Variants in ARNT2 observed in about 807,000 individuals in gnomAD.
The protein encoded by ARNT2 is ARNT protein 2.
In ARNT2, 36 loss-of-function variants were observed where a neutral mutation model predicts 91.7. The ratio of observed to expected loss-of-function variants is 0.39; its 90% CI spans 0.30 to 0.52. The LOEUF (loss-of-function observed/expected upper bound fraction) is 0.52. ARNT2 is among the 20% of genes least tolerant of loss of function. The pLI is 0.72. For synonymous variants in ARNT2, 365 were observed against 347.1 expected (o/e 1.05, Z -0.57); for missense variants, 775 against 939.3 (o/e 0.83, Z 2.29).
intron 8 of ARNT2, among the ~76,000 whole-genome samples, chr15:80,546,484 C>G (rs946870303): frequency 3.9e-5 from 6 of 152,154 alleles, no homozygotes; most frequent in Admixed American, 2.0e-4. Context: ...ATGTATGTCA[C>G]TAGTGGTCTT....
intron 1 of ARNT2, among the ~76,000 whole-genome samples, chr15:80,420,201 ATGGTCCCCAGC>A (rs1288328865): frequency 7.2e-6 from 1 of 138,728 alleles, no homozygotes; most frequent in Non-Finnish European, 1.6e-5. Context: ...GACTATACAG[ATGGTCCCCAGC>A]TTACAAGGGT....
At chr15:80,537,294 C>T (rs1227048235) in intron 8 of ARNT2, among the ~76,000 whole-genome samples, 1 of 152,168 alleles carries the variant, frequency 6.6e-6, no homozygotes, top group Admixed American at 6.5e-5. Flanking sequence ...ATTATTTAAA[C>T]TCCTGAACAC....
chr15:80,512,950 A>G (rs925365923), intron 6 of ARNT2, among the ~76,000 whole-genome samples: 21 of 152,202 alleles, frequency 1.4e-4, no homozygotes, highest in South Asian at 6.2e-4. Context: ...TCAGTAAAGC[A>G]CTGGGCACAG....
rs369926989 is a variant in ARNT2, at chr15:80,474,990, T to A, written c.409-20T>A. On this transcript the variant is annotated intron_variant, in intron 4 of 18. Transcript: ENST00000303329. ...TGGGTCTGTCAGTGTATTGTGCCAA[T>A]CATAATCTTTTCTTTATAGGAACTG... is the stretch of plus-strand genomic sequence containing the variant. 114 of 1,612,834 alleles carry A rather than the reference T, an allele frequency of 7.1e-5. No individual in the cohort carries two copies. The highest frequency in any genetic ancestry group is 9.0e-5 in the Non-Finnish European group (106 of 1,179,498).
rs1893392133 is a variant in ARNT2 at position 80,597,436 on chromosome 15, A to G, written c.*3738A>G. 3 of 354,818 alleles carry G rather than the reference A, an allele frequency of 8.5e-6. No individual in the cohort carries two copies. The Admixed American group carries it at 1.1e-4, about 12-fold the overall frequency. 22.0% of individuals were successfully genotyped at this position (354,818 alleles called of 1,614,324 possible). A position where few individuals can be genotyped will look rare whatever the true frequency, so the allele number is the denominator to read the frequency against. On this transcript the variant is annotated 3_prime_UTR_variant, in exon 19 of 19. Coordinates refer to ENST00000303329, the MANE Select transcript of ARNT2 (RefSeq NM_014862.4). ...ACCTGCCGGGGTCATTCCCCACCAAACACCCCATACTAAGGAGCCATGAGC... is the reference window on the plus strand; with the variant it reads ...ACCTGCCGGGGTCATTCCCCACCAAGCACCCCATACTAAGGAGCCATGAGC...
chr15:80,582,045 A>T (rs531621968), intron 17 of ARNT2, among the ~76,000 whole-genome samples: 16 of 152,196 alleles, frequency 1.1e-4, no homozygotes, highest in Non-Finnish European at 2.4e-4. Context: ...TCTCACAGTG[A>T]GGTCACTGGG....
chr15:80,408,298 A>G (rs569167810), intron 1 of ARNT2, among the ~76,000 whole-genome samples: 1 of 152,340 alleles, frequency 6.6e-6, no homozygotes, highest in African/African-American at 2.4e-5. Context: ...TTCTAAGTCT[A>G]CTAGGGGAGG....
chr15:80,445,870 T>A lies in ARNT2; in HGVS notation c.32-5010T>A, dbSNP rs1896293368. 2.0e-5 allele frequency among the ~76,000 whole-genome samples: 3 copies of A among 151,948 alleles called. No individual in the cohort carries two copies. The South Asian group carries it at 6.2e-4, about 32-fold the overall frequency. ...GTGTTACGAGTGGGGTGCTGAGGAGTCCAGAGGGCCTTCTGCCCCCTCTGC... is the reference window on the plus strand; with the variant it reads ...GTGTTACGAGTGGGGTGCTGAGGAGACCAGAGGGCCTTCTGCCCCCTCTGC... On this transcript the variant is annotated intron_variant, in intron 1 of 18. Coordinates refer to ENST00000303329, the MANE Select transcript of ARNT2 (RefSeq NM_014862.4).
At position 80,404,574 on chromosome 15, in the gene ARNT2, C is replaced by T. The variant is rs767398217; in HGVS notation, c.31+28C>T. Reference sequence around the variant, plus strand: ...GAGTAGCGGCCTGGGCCCCGCCGCCCGCCGCAGCCCGCAGGCCTTGCCCGG... The same window carrying T: ...GAGTAGCGGCCTGGGCCCCGCCGCCTGCCGCAGCCCGCAGGCCTTGCCCGG... On this transcript the variant is annotated intron_variant, in intron 1 of 18. Transcript: ENST00000303329. The surrounding 1 kb of genome is among the most constrained non-coding windows in gnomAD (Gnocchi z 5.5). The T allele has an allele frequency of 3.0e-5, 33 of 1,084,300 alleles. No individual in the cohort carries two copies. The highest frequency in any genetic ancestry group is 4.5e-6 in the Non-Finnish European group (4 of 890,878). The allele number at this position is 1,084,300 out of a possible 1,614,324, so 67.2% of individuals were successfully genotyped here.
intron 3 of ARNT2, among the ~76,000 whole-genome samples, 178 bp downstream of exon 3, chr15:80,458,154 C>T (rs1406015899): frequency 6.6e-6 from 1 of 152,104 alleles, no homozygotes; most frequent in African/African-American, 2.4e-5. Flanking sequence ...GACCCTGCCA[C>T]ATCCCAGCAG....
At chr15:80,502,563 G>A (rs1897215688) in intron 5 of ARNT2, among the ~76,000 whole-genome samples, 1 of 152,190 alleles carries the variant, frequency 6.6e-6, no homozygotes, top group Non-Finnish European at 1.5e-5. Context: ...TGTCATGCAG[G>A]AGTCGGGTTT....
intron 1 of ARNT2, chr15:80,441,356 C>G (rs773495967): frequency 1.8e-4 from 181 of 985,314 alleles, no homozygotes; most frequent in South Asian, 6.1e-4. Flanking sequence ...GAAGAAAGAT[C>G]TTTGTTTAAT....
intron 5 of ARNT2, among the ~76,000 whole-genome samples, chr15:80,494,177 C>G (rs1897094084): frequency 6.6e-6 from 1 of 152,216 alleles, no homozygotes; most frequent in Non-Finnish European, 1.5e-5. Context: ...ATACTCATTT[C>G]CAGACCATCC....
At chr15:80,407,444 G>T (rs1286189409) in intron 1 of ARNT2, among the ~76,000 whole-genome samples, 3 of 152,168 alleles carry the variant, frequency 2.0e-5, no homozygotes, top group African/African-American at 7.2e-5. Context: ...GGGGTTTTAG[G>T]TTAGGATTCT....
chr15:80,468,896 C>T (rs755156919), intron 3 of ARNT2, among the ~76,000 whole-genome samples: 3 of 152,216 alleles, frequency 2.0e-5, no homozygotes, highest in Non-Finnish European at 4.4e-5. Flanking sequence ...TCCCCTCGGT[C>T]TGTGTGTTCA....
At chr15:80,406,321 C>T (rs1895600652) in intron 1 of ARNT2, among the ~76,000 whole-genome samples, 1 of 152,188 alleles carries the variant, frequency 6.6e-6, no homozygotes, top group Non-Finnish European at 1.5e-5. Flanking sequence ...TGAGGAGGAA[C>T]GTGGCTGGTC....
At chr15:80,475,326 G>T in intron 5 of ARNT2, 103 bp downstream of exon 5, 1 of 1,199,952 alleles carries the variant, frequency 8.3e-7, no homozygotes, top group East Asian at 2.5e-5. Context: ...AGGCTGAGGC[G>T]GGTGGATCAC....
chr15:80,464,531 G>A (rs899666128), intron 3 of ARNT2, among the ~76,000 whole-genome samples: 1 of 152,164 alleles, frequency 6.6e-6, no homozygotes. Flanking sequence ...GGACACACAG[G>A]TATCTTGTAG....
chr15:80,515,870 C>CT (rs984547948), intron 8 of ARNT2, among the ~76,000 whole-genome samples: 2,600 of 129,918 alleles, frequency 0.02, 88 homozygotes, highest in African/African-American at 0.061. Context: ...ATGAAGTATT[C>CT]TTTTTTTTTT....
Sources: gnomAD v4.1 joint callset for allele counts (sites outside exome capture counted in the v4.1 genomes callset) on GRCh38, gnomAD v4.1.1 for gene constraint, Gnocchi (gnomAD v3.1) non-coding constraint, MANE v1.5 for transcripts, NCBI Gene and HGNC (gene_info 2026-07-23, HGNC 2026-07-21) for gene names.